The following FREM2 variants were observed in gnomAD, a reference collection of about 807,000 sequenced individuals.
FREM2 encodes FRAS1-related extracellular matrix protein 2.
FREM2 carries 119 observed loss-of-function variants against 219.9 expected under a neutral mutation model. The ratio of observed to expected loss-of-function variants is 0.54; its 90% confidence interval spans 0.47 to 0.63. The LOEUF (loss-of-function observed/expected upper bound fraction) is 0.63, where lower values mean the gene tolerates loss of function less well. Among genes scored for constraint, FREM2 ranks in the 30% least tolerant of loss-of-function variants. FREM2 has a pLI of 0.00. For synonymous variants in FREM2, 1,562 were observed against 1,522.8 expected (o/e 1.03, Z -0.60); for missense variants, 4,030 against 3,993.6 (o/e 1.01, Z -0.25).
chr13:38,766,173 A>T (rs1447496264), intron 3 of FREM2, among the ~76,000 whole-genome samples: 1 of 152,240 alleles, frequency 6.6e-6, no homozygotes, highest in Non-Finnish European at 1.5e-5. Flanking sequence ...GAAAGTTAAC[A>T]GTAGAAAAAG....
intron 6 of FREM2, among the ~76,000 whole-genome samples, chr13:38,828,698 G>C (rs1837578890): frequency 6.6e-6 from 1 of 151,012 alleles, no homozygotes; most frequent in African/African-American, 2.5e-5. Flanking sequence ...GCAACAGAGA[G>C]AGAGAGACCA....
intron 2 of FREM2, among the ~76,000 whole-genome samples, chr13:38,753,049 G>T (rs556725279): frequency 6.6e-6 from 1 of 152,310 alleles, no homozygotes; most frequent in South Asian, 2.1e-4. Flanking sequence ...ACGAAATCTT[G>T]CTGCACCAGG....
Position 38,749,432 on chromosome 13 carries a change from TA to T in FREM2, c.5264-14870del, listed in dbSNP as rs1478381365. Among the ~76,000 whole-genome samples the T allele has an allele frequency of 3.3e-5, 5 of 152,198 alleles. No homozygotes were observed. The East Asian group carries it at 9.6e-4, about 29-fold the overall frequency. ...TCATATATATTCACAATTCAATTTA[TA>T]AGAAAACATGAATTACCAAGAAAAG... On this transcript the variant is annotated intron_variant, in intron 2 of 23. Transcript: ENST00000280481.
Position 38,848,658 on chromosome 13 carries a change from T to C in FREM2, c.6367T>C (p.Ser2123Pro), listed in dbSNP as rs116453495. 18 of 1,610,860 alleles carry C rather than the reference T, an allele frequency of 1.1e-5. No homozygotes were observed. In the East Asian group the frequency reaches 2.0e-4, roughly 18 times the overall value. ...CAAAGCCACAGTGTCCATAAATGACTCTGTCTCCGATTGTGAGTGTTTATT... is the reference window on the plus strand; with the variant it reads ...CAAAGCCACAGTGTCCATAAATGACCCTGTCTCCGATTGTGAGTGTTTATT... The part of the protein sequence containing the change: ...PSKATVSIND[S>P]VSDLPKMQFK... The change falls in exon 8 of 24, where the codon TCT becomes CCT. Residue 2123 changes from serine to proline, a missense_variant. Physicochemically the swap from Ser to Pro is moderately conservative, Grantham distance 74 (BLOSUM62 -1). This residue lies in a region of FREM2 where 3,102 missense variants were observed against 2,950.7 expected (regional missense o/e 1.05). Coordinates refer to ENST00000280481, the MANE Select transcript of FREM2 (RefSeq NM_207361.6).
At chr13:38,833,247 T>C (rs1876580429) in intron 6 of FREM2, among the ~76,000 whole-genome samples, 1 of 152,206 alleles carries the variant, frequency 6.6e-6, no homozygotes, top group Admixed American at 6.5e-5. Flanking sequence ...TTTTTAACTA[T>C]ATTTTTTAAT....
intron 7 of FREM2, among the ~76,000 whole-genome samples, chr13:38,847,070 T>C (rs1181170737): frequency 1.3e-5 from 2 of 152,118 alleles, no homozygotes; most frequent in Non-Finnish European, 2.9e-5. Flanking sequence ...ACATAATCTA[T>C]CCCCACAGAA....
chr13:38,776,876 A>G (rs1268663106), intron 4 of FREM2, among the ~76,000 whole-genome samples: 19 of 151,816 alleles, frequency 1.3e-4, no homozygotes, highest in Admixed American at 1.2e-3. Flanking sequence ...TTAACATTTG[A>G]GAGCACGACC....
intron 2 of FREM2, among the ~76,000 whole-genome samples, chr13:38,730,683 C>T (rs1031995483): frequency 3.9e-5 from 6 of 152,184 alleles, no homozygotes; most frequent in African/African-American, 1.2e-4. Flanking sequence ...TTTTGAGATA[C>T]GTGTTCACAG....
intron 6 of FREM2, among the ~76,000 whole-genome samples, chr13:38,829,751 G>T (rs1475782171): frequency 1.4e-5 from 2 of 147,788 alleles, no homozygotes; most frequent in East Asian, 2.0e-4. Context: ...AAATTAATTT[G>T]TTTATTCAAA....
chr13:38,765,108 C>T (rs1267401722), intron 3 of FREM2, among the ~76,000 whole-genome samples: 2 of 152,162 alleles, frequency 1.3e-5, no homozygotes, highest in Admixed American at 1.3e-4. Context: ...GACGGGGTTT[C>T]ACCGTGTTAG....
At position 38,866,783 on chromosome 13, in the gene FREM2, A is replaced by C. The variant is rs576649013; in HGVS notation, c.7983+2177A>C. Among the ~76,000 whole-genome samples, 10 of 152,224 alleles carry C rather than the reference A, an allele frequency of 6.6e-5. No individual in the cohort carries two copies. The South Asian group carries it at 2.1e-3, about 32-fold the overall frequency. ...TCTATCTTCTCCACAAAGTGGCAGCACTTCTCCGTCTTTTGTCCATGTTAC... is the reference window on the plus strand; with the variant it reads ...TCTATCTTCTCCACAAAGTGGCAGCCCTTCTCCGTCTTTTGTCCATGTTAC... On this transcript the variant is annotated intron_variant, in intron 16 of 23. Coordinates refer to ENST00000280481, the MANE Select transcript of FREM2 (RefSeq NM_207361.6).
rs185439471 is a variant in FREM2 at position 38,725,391 on chromosome 13, G to A, written c.5263+27604G>A. ...TAAAACAAAAGGAAACAAACAAGTG[G>A]GTAGCTAATAATGAAAAAATGAATA... On this transcript the variant is annotated intron_variant, in intron 2 of 23. Coordinates refer to ENST00000280481, the MANE Select transcript of FREM2 (RefSeq NM_207361.6). Among the ~76,000 whole-genome samples, 111 of 152,226 alleles carry A rather than the reference G, an allele frequency of 7.3e-4. 2 individuals carry two copies. The highest frequency in any genetic ancestry group is 3.1e-4 in the Non-Finnish European group (21 of 68,014).
intron 2 of FREM2, among the ~76,000 whole-genome samples, chr13:38,731,641 A>C (rs1207959524): frequency 6.6e-6 from 1 of 152,208 alleles, no homozygotes; most frequent in Non-Finnish European, 1.5e-5. Flanking sequence ...ACTCTTCACT[A>C]ATCACAGATC....
At chr13:38,706,771 A>G (rs576674164) in intron 2 of FREM2, among the ~76,000 whole-genome samples, 4 of 152,322 alleles carry the variant, frequency 2.6e-5, no homozygotes, top group Admixed American at 1.3e-4. Flanking sequence ...TACAATCACA[A>G]ACTTCCTACC....
In FREM2 at chr13:38,851,101, T is replaced by A. The variant is rs761266314; in HGVS notation, c.6735T>A (p.Asp2245Glu). Residue 2245 changes from aspartate (D) to glutamate (E), a missense_variant, in exon 10 of 24, where the codon GAT (aspartate) becomes GAA (glutamate). Transcript: ENST00000280481. ...QNETLIRIRD[D>E]ADKTVIKFGE... ...AAACTCTCATAAGGATCCGAGATGA[T>A]GCTGATAGTAAGAAATCTTTTTTTG... 1.2e-6 allele frequency: 2 copies of A among 1,613,606 alleles called. No homozygotes were observed. The highest frequency in any genetic ancestry group is 4.5e-5 in the East Asian group (2 of 44,860).
At position 38,689,000 on chromosome 13, in the gene FREM2, C is replaced by G; in HGVS notation, c.1656C>G (p.Thr552=). 1 of 1,613,952 alleles carries G rather than the reference C, an allele frequency of 6.2e-7. No homozygotes were observed. The highest frequency in any genetic ancestry group is 8.5e-7 in the Non-Finnish European group (1 of 1,179,946). The change falls in exon 1 of 24, where the codon ACC becomes ACG. Residue 552 remains threonine, a synonymous_variant. Coordinates refer to ENST00000280481, the MANE Select transcript of FREM2 (RefSeq NM_207361.6). ...RHQVQFLFPI[T]LVPVDDQPPV... is the part of the protein sequence containing the mutation. ...AGGTACAGTTTCTGTTCCCCATCAC[C>G]TTAGTGCCTGTGGATGACCAGCCAC...
chr13:38,871,690 C>T (rs1201512103), intron 16 of FREM2, among the ~76,000 whole-genome samples: 2 of 152,080 alleles, frequency 1.3e-5, no homozygotes, highest in African/African-American at 2.4e-5. Flanking sequence ...TCTTTCTATC[C>T]GTCATCCATT....
chr13:38,751,359 A>G (rs1392935979), intron 2 of FREM2, among the ~76,000 whole-genome samples: 1 of 152,058 alleles, frequency 6.6e-6, no homozygotes, highest in Non-Finnish European at 1.5e-5. Flanking sequence ...ATGTCTCTCT[A>G]TGCCCCAAGT....
chr13:38,826,768 T>C (rs1200660272), intron 6 of FREM2, among the ~76,000 whole-genome samples: 1 of 152,154 alleles, frequency 6.6e-6, no homozygotes, highest in East Asian at 1.9e-4. Context: ...ATCTTACTTA[T>C]AAAATTTACT....
Sources: allele counts gnomAD v4.1 joint callset (sites outside exome capture counted in the v4.1 genomes callset), GRCh38; gene constraint gnomAD v4.1.1; regional missense constraint gnomAD v4.1.1; transcripts MANE v1.5; gene names NCBI Gene and HGNC (gene_info 2026-07-23, HGNC 2026-07-21).